The following XRCC5 variants were observed in gnomAD, a reference collection of about 807,000 sequenced individuals.
The protein encoded by XRCC5 is X-ray repair cross complementing 5.
In XRCC5, 12 loss-of-function variants were observed where a neutral mutation model predicts 95.7. The observed-to-expected ratio is 0.13, with a 90% CI of 0.08 to 0.20. The LOEUF is 0.20. Ranked by LOEUF, XRCC5 falls within the 10% of genes least tolerant of loss-of-function variation. The probability of loss-of-function intolerance (pLI) is 1.00; values close to 1 mark genes in which losing one functional copy is unlikely to be tolerated. For missense variants in XRCC5, 595 were observed against 873.9 expected, an observed-to-expected ratio of 0.68 and a Z score of 4.02; for synonymous variants, 281 against 290.3, an observed-to-expected ratio of 0.97 and a Z score of 0.33.
chr2:216,114,961 C>T (rs1474116753), intron 2 of XRCC5, among the ~76,000 whole-genome samples: 2 of 152,058 alleles, frequency 1.3e-5, no homozygotes, highest in African/African-American at 2.4e-5. Context: ...AAGGGAGGAA[C>T]AAAGGAGACT....
At chr2:216,141,478 G>A (rs1233908491) in intron 13 of XRCC5, among the ~76,000 whole-genome samples, 159 bp downstream of exon 13, 2 of 147,006 alleles carry the variant, frequency 1.4e-5, no homozygotes, top group Admixed American at 7.0e-5. Context: ...TCCTACTTCA[G>A]AAGGTAAAAA....
At position 216,198,361 on chromosome 2, in the gene XRCC5, A is replaced by G. The variant is rs1264822845; in HGVS notation, c.2109+3375A>G. On this transcript the variant is annotated intron_variant, in intron 19 of 20. Coordinates refer to ENST00000392132, the MANE Select transcript of XRCC5 (RefSeq NM_021141.4). ...GACCCTGTAATTTTGACTCACCTTC[A>G]GTGTACGCTGTGTTATATCTGTCAG... 7.2e-5 allele frequency among the ~76,000 whole-genome samples: 11 copies of G among 152,192 alleles called. No individual in the cohort carries two copies. In the East Asian group the frequency reaches 2.1e-3, roughly 29 times the overall value.
intron 6 of XRCC5, among the ~76,000 whole-genome samples, chr2:216,123,222 CCTT>C (rs1696845847): frequency 1.3e-5 from 2 of 152,146 alleles, no homozygotes; most frequent in East Asian, 1.9e-4. Context: ...GTGTATATCT[CCTT>C]AATATTTTTT....
At chr2:216,142,802 G>A (rs1279597538) in intron 13 of XRCC5, among the ~76,000 whole-genome samples, 1 of 152,038 alleles carries the variant, frequency 6.6e-6, no homozygotes, top group Non-Finnish European at 1.5e-5. Flanking sequence ...GAAAGAAACT[G>A]CCTGTTTTTT....
chr2:216,132,932 T>C (rs527763659), intron 10 of XRCC5, among the ~76,000 whole-genome samples: 1 of 152,358 alleles, frequency 6.6e-6, no homozygotes, highest in African/African-American at 2.4e-5. Context: ...TTGGAGATAC[T>C]GATTTTAACT....
At chr2:216,111,278 T>C in intron 1 of XRCC5, 2 of 359,978 alleles carry the variant, frequency 5.6e-6, no homozygotes, top group South Asian at 2.0e-5. Context: ...TCCTAGCACT[T>C]TGGGAGGCGG....
At chr2:216,139,855 A>G (rs1291076663) in intron 12 of XRCC5, among the ~76,000 whole-genome samples, 2 of 152,228 alleles carry the variant, frequency 1.3e-5, no homozygotes, top group East Asian at 3.8e-4. Context: ...TTTTGTCGAC[A>G]TAAATCACTC....
chr2:216,148,316 T>G, intron 14 of XRCC5, 40 bp downstream of exon 14: 1 of 1,564,860 alleles, frequency 6.4e-7, no homozygotes, highest in African/African-American at 1.4e-5. Context: ...TTGGGGTACA[T>G]AAGAGTTGTG....
chr2:216,184,625 G>A (rs903071869), intron 16 of XRCC5, among the ~76,000 whole-genome samples: 3 of 152,148 alleles, frequency 2.0e-5, no homozygotes, highest in Non-Finnish European at 4.4e-5. Context: ...TGGGATTACA[G>A]GCATATGCTA....
intron 16 of XRCC5, among the ~76,000 whole-genome samples, chr2:216,166,677 A>T (rs1440343041): frequency 6.6e-6 from 1 of 152,186 alleles, no homozygotes; most frequent in African/African-American, 2.4e-5. Flanking sequence ...GCGCTTTCCC[A>T]ACTTAGGAAG....
chr2:216,201,068 T>C (rs374242051), intron 19 of XRCC5, among the ~76,000 whole-genome samples: 2 of 152,198 alleles, frequency 1.3e-5, no homozygotes, highest in East Asian at 3.9e-4. Context: ...AGTATTCACA[T>C]TTTGTTTTTG....
chr2:216,109,519 G>C, intron 1 of XRCC5, 62 bp downstream of exon 1: 4 of 1,607,002 alleles, frequency 2.5e-6, no homozygotes, highest in Non-Finnish European at 3.4e-6. Flanking sequence ...GGGTGGTTCG[G>C]AAGCAGGAAT....
At chr2:216,123,165 A>G (rs918299089) in intron 6 of XRCC5, among the ~76,000 whole-genome samples, 1 of 152,228 alleles carries the variant, frequency 6.6e-6, no homozygotes, top group Non-Finnish European at 1.5e-5. Context: ...CTGTTTAAGC[A>G]CATTGAAGTA....
chr2:216,195,392 C>CTTTTCTTTTCTTTTCTTTTCT (rs1689700660), intron 19 of XRCC5, among the ~76,000 whole-genome samples: 1 of 48,538 alleles, frequency 2.1e-5, no homozygotes, highest in South Asian at 5.6e-4. Context: ...TTTCTTTTCT[C>CTTTTCTTTTCTTTTCTTTTCT]TTTCTTTTCT....
At chr2:216,176,781 T>A (rs1219791195) in intron 16 of XRCC5, among the ~76,000 whole-genome samples, 1 of 152,208 alleles carries the variant, frequency 6.6e-6, no homozygotes, top group Non-Finnish European at 1.5e-5. Flanking sequence ...TTCTTGTTTC[T>A]TAAGGTGGAA....
intron 10 of XRCC5, 64 bp from the exon 11 acceptor site, chr2:216,137,024 T>C: frequency 3.2e-6 from 5 of 1,553,480 alleles, no homozygotes; most frequent in Non-Finnish European, 4.3e-6. Flanking sequence ...CTTAAAGTAT[T>C]GAGTTCTGTT....
At chr2:216,166,397 C>T (rs950722939) in intron 16 of XRCC5, among the ~76,000 whole-genome samples, 1 of 152,180 alleles carries the variant, frequency 6.6e-6, no homozygotes, top group African/African-American at 2.4e-5. Flanking sequence ...GCTGGGATTA[C>T]AGGTGTGAGC....
intron 19 of XRCC5, among the ~76,000 whole-genome samples, chr2:216,197,843 C>T (rs1164105834): frequency 6.6e-6 from 1 of 152,112 alleles, no homozygotes; most frequent in African/African-American, 2.4e-5. Flanking sequence ...TTTATCAGTG[C>T]TTTAGCCAAT....
rs1416630821 is a variant in XRCC5, at chr2:216,142,562, G to A, written c.1476+1243G>A. Among the ~76,000 whole-genome samples the A allele has an allele frequency of 3.9e-5, 6 of 152,076 alleles. No homozygotes were observed. The East Asian group carries it at 1.2e-3, about 29-fold the overall frequency. On this transcript the variant is annotated intron_variant, in intron 13 of 20. Coordinates refer to ENST00000392132, the MANE Select transcript of XRCC5 (RefSeq NM_021141.4). ...CCAGTCCTGGATTCAGTTGATGACA[G>A]CAGGACATAGGCTTCTCTGACCCCC...
Sources: gnomAD v4.1 joint callset for allele counts (sites outside exome capture counted in the v4.1 genomes callset) on GRCh38, gnomAD v4.1.1 for gene constraint, MANE v1.5 for transcripts, NCBI Gene and HGNC (gene_info 2026-07-23, HGNC 2026-07-21) for gene names.